ELP2: variants seen among roughly 807,000 people sequenced by gnomAD.
The protein encoded by ELP2 is elongator complex protein 2.
ELP2 carries 90 observed loss-of-function variants against 119.2 expected under a neutral mutation model. The observed-to-expected ratio is 0.75, with a 90% CI of 0.64 to 0.90. ELP2 has a LOEUF of 0.90. Among genes scored for constraint, ELP2 ranks in the 40% least tolerant of loss-of-function variants. The pLI, the probability that ELP2 is intolerant of heterozygous loss-of-function variation, is 0.00. For synonymous variants in ELP2, 339 were observed against 331.0 expected, an observed-to-expected ratio of 1.02 and a Z score of -0.26; for missense variants, 921 against 967.8, an observed-to-expected ratio of 0.95 and a Z score of 0.64.
rs1441805906 is a variant in ELP2, at chr18:36,141,431, G to T, written c.588+230G>T. 10 of 536,048 alleles carry T rather than the reference G, an allele frequency of 1.9e-5. No homozygotes were observed. In the South Asian group the frequency reaches 2.0e-4, roughly 11 times the overall value. 33.2% of individuals were successfully genotyped at this position (536,048 alleles called of 1,614,324 possible). On this transcript the variant is annotated intron_variant, in intron 6 of 21. Transcript: ENST00000358232. ...TTGTTAGGGGGAAACAGGTCATTAG[G>T]TGGGGGAGGAGAGATGGAAGATGCT...
In ELP2 at chr18:36,159,747, C is replaced by T; in HGVS notation, c.1547C>T (p.Ser516Phe). 1 of 1,613,612 alleles carries T rather than the reference C, an allele frequency of 6.2e-7. No homozygotes were observed. The highest frequency in any genetic ancestry group is 8.5e-7 in the Non-Finnish European group (1 of 1,179,636). ...TTCTTCAAACTAGGAGATATAGCTT[C>T]TCAGCCTTCTGATGAAGAGGAGCTG... is the stretch of plus-strand genomic sequence containing the variant. ...NKAVFQGDIA[S>F]QPSDEEELLT... Residue 516 changes from serine to phenylalanine, a missense_variant, in exon 15 of 22, where the codon TCT becomes TTT. Ser to Phe is a radical substitution (Grantham distance 155). Coordinates refer to ENST00000358232, the MANE Select transcript of ELP2 (RefSeq NM_018255.4).
intron 12 of ELP2, 71 bp downstream of exon 12, chr18:36,155,070 T>A (rs2090525227): frequency 7.5e-7 from 1 of 1,330,238 alleles, no homozygotes; most frequent in African/African-American, 1.5e-5. Flanking sequence ...TGAAGTGCAA[T>A]GGCACGATCT....
At chr18:36,158,814 A>T (rs779509476) in intron 13 of ELP2, 21 bp from the exon 14 acceptor site, 3 of 1,495,264 alleles carry the variant, frequency 2.0e-6, no homozygotes, top group Non-Finnish European at 2.8e-6. Flanking sequence ...TATAACTTAG[A>T]TATTATATTT....
chr18:36,144,090 A>G (rs12458149), intron 8 of ELP2, among the ~76,000 whole-genome samples: 12,666 of 152,148 alleles, frequency 0.083, 632 homozygotes, highest in East Asian at 0.14. Context: ...TTGTTCACCT[A>G]GGTGTATTCT....
At chr18:36,166,426 G>A (rs1442233204) in intron 18 of ELP2, among the ~76,000 whole-genome samples, 1 of 137,810 alleles carries the variant, frequency 7.3e-6, no homozygotes, top group East Asian at 2.6e-4. Context: ...CGCCTCCTGG[G>A]TTCAAGTGAT....
At position 36,170,413 on chromosome 18, in the gene ELP2, G is replaced by C. The variant is rs545092107; in HGVS notation, c.2210+217G>C. Among the ~76,000 whole-genome samples the C allele has an allele frequency of 1.5e-4, 23 of 151,726 alleles. 1 individual carries two copies. In the South Asian group the frequency reaches 4.8e-3, roughly 32 times the overall value. On this transcript the variant is annotated intron_variant, in intron 20 of 21. Coordinates refer to ENST00000358232, the MANE Select transcript of ELP2 (RefSeq NM_018255.4). ...TGCAACCTCTGCCTTCTGAGTTTAAGCGATTCTCCTGCCTCAGCCTCCCAA... is the reference window on the plus strand; with the variant it reads ...TGCAACCTCTGCCTTCTGAGTTTAACCGATTCTCCTGCCTCAGCCTCCCAA...
At chr18:36,131,014 T>C (rs891852139) in intron 1 of ELP2, among the ~76,000 whole-genome samples, 1 of 147,408 alleles carries the variant, frequency 6.8e-6, no homozygotes, top group Non-Finnish European at 1.5e-5. Flanking sequence ...ACAAAAAGTT[T>C]AAAAAAAAAA....
In ELP2 at chr18:36,177,347, T is replaced by G. The variant is rs1415235362; in HGVS notation, c.*2706T>G. 1 of 152,218 alleles carries G rather than the reference T, an allele frequency of 6.6e-6. No individual in the cohort carries two copies. Among genetic ancestry groups the G allele is most frequent in the Non-Finnish European group, 1.5e-5 (1 of 68,038 alleles). 9.4% of individuals were successfully genotyped at this position (152,218 alleles called of 1,614,324 possible). A position where few individuals can be genotyped will look rare whatever the true frequency, so the allele number is the denominator to read the frequency against. ...CCTCTAAAAGGAAGATACGCTGACATGTGCTGCAACATGGATGAATCTTGA... is the reference window on the plus strand; with the variant it reads ...CCTCTAAAAGGAAGATACGCTGACAGGTGCTGCAACATGGATGAATCTTGA... On this transcript the variant is annotated 3_prime_UTR_variant, in exon 22 of 22. Coordinates refer to ENST00000358232, the MANE Select transcript of ELP2 (RefSeq NM_018255.4).
In ELP2 at chr18:36,178,473, A is replaced by G. The variant is rs610492; in HGVS notation, c.*3832A>G. On this transcript the variant is annotated 3_prime_UTR_variant, in exon 22 of 22. Coordinates refer to ENST00000358232, the MANE Select transcript of ELP2 (RefSeq NM_018255.4). ...GAGACGTGTGAATCCAGTGCAATGT[A>G]TGAACCTTGTTTGCCTCTTGATCTG... 55,413 of 151,998 alleles carry G rather than the reference A, an allele frequency of 0.36. 10,168 individuals carry two copies. Among genetic ancestry groups the G allele is most frequent in the Middle Eastern group, 0.44 (129 of 294 alleles). 9.4% of individuals were successfully genotyped at this position (151,998 alleles called of 1,614,324 possible).
intron 19 of ELP2, among the ~76,000 whole-genome samples, chr18:36,167,454 T>C (rs1189912844): frequency 6.6e-6 from 1 of 152,180 alleles, no homozygotes; most frequent in African/African-American, 2.4e-5. Context: ...TTCAGACATA[T>C]GACCTTCATC....
intron 19 of ELP2, among the ~76,000 whole-genome samples, chr18:36,167,546 A>C (rs1049645968): frequency 7.2e-5 from 11 of 152,184 alleles, no homozygotes; most frequent in Non-Finnish European, 1.5e-4. Flanking sequence ...GTAGGGGAAT[A>C]AGGGAAAAAC....
intron 6 of ELP2, among the ~76,000 whole-genome samples, chr18:36,142,005 A>C: frequency 6.6e-6 from 1 of 151,948 alleles, no homozygotes; most frequent in East Asian, 1.9e-4. Context: ...CTTTTTTTCT[A>C]TATTATATGT....
rs113572122 is a variant in ELP2, at chr18:36,136,477, G to A, written c.288+100G>A. On this transcript the variant is annotated intron_variant, in intron 3 of 21. Transcript: ENST00000358232. Reference sequence around the variant, plus strand: ...GTCACCCAGGCTGACGTGCAGTGGTGCGATCGTGGCTCACCTCAGCCTCCT... The same window carrying A: ...GTCACCCAGGCTGACGTGCAGTGGTACGATCGTGGCTCACCTCAGCCTCCT... 728 of 952,630 alleles carry A rather than the reference G, an allele frequency of 7.6e-4. 1 individual carries two copies. The African/African-American group carries it at 0.01, about 13-fold the overall frequency. The allele number at this position is 952,630 out of a possible 1,614,324, so 59.0% of individuals were successfully genotyped here.
intron 11 of ELP2, among the ~76,000 whole-genome samples, chr18:36,154,502 A>G (rs1246627095): frequency 1.3e-5 from 2 of 152,250 alleles, no homozygotes; most frequent in East Asian, 1.9e-4. Flanking sequence ...TTACAAAAGT[A>G]ACTCATTTAA....
At chr18:36,138,501 A>G (rs2089912301) in intron 4 of ELP2, 75 bp downstream of exon 4, 4 of 1,472,138 alleles carry the variant, frequency 2.7e-6, no homozygotes, top group Non-Finnish European at 3.8e-6. Context: ...AAGAGCATAT[A>G]TATAATTCTT....
intron 5 of ELP2, chr18:36,139,420 TACCTGGAAG>T (rs1382539443): frequency 2.6e-6 from 4 of 1,535,212 alleles, no homozygotes; most frequent in Non-Finnish European, 3.5e-6. Context: ...CCTCCACAGT[TACCTGGAAG>T]ACTGGCCAGG....
intron 11 of ELP2, among the ~76,000 whole-genome samples, chr18:36,151,028 C>G (rs2090380355): frequency 6.6e-6 from 1 of 151,850 alleles, no homozygotes; most frequent in Admixed American, 6.6e-5. Flanking sequence ...GTTTCCCCCC[C>G]TATTGCCCCA....
Position 36,177,337 on chromosome 18 carries a change from T to TA in ELP2, c.*2697dup, listed in dbSNP as rs1276847573. 1 of 152,178 alleles carries TA rather than the reference T, an allele frequency of 6.6e-6. No homozygotes were observed. Among genetic ancestry groups the TA allele is most frequent in the Non-Finnish European group, 1.5e-5 (1 of 68,036 alleles). 9.4% of individuals were successfully genotyped at this position (152,178 alleles called of 1,614,324 possible). A position where few individuals can be genotyped will look rare whatever the true frequency, so the allele number is the denominator to read the frequency against. On this transcript the variant is annotated 3_prime_UTR_variant, in exon 22 of 22. Coordinates refer to ENST00000358232, the MANE Select transcript of ELP2 (RefSeq NM_018255.4). ...TATTATTCAGCCTCTAAAAGGAAGATACGCTGACATGTGCTGCAACATGGA... is the reference window on the plus strand; with the variant it reads ...TATTATTCAGCCTCTAAAAGGAAGATAACGCTGACATGTGCTGCAACATGGA...
At chr18:36,138,988 A>T (rs1326811674) in intron 5 of ELP2, 116 bp downstream of exon 5, 2 of 816,946 alleles carry the variant, frequency 2.4e-6, no homozygotes, top group Non-Finnish European at 2.1e-6. Context: ...TTTCTATGAA[A>T]CAAGATGTGA....
Sources: allele counts gnomAD v4.1 joint callset (sites outside exome capture counted in the v4.1 genomes callset), GRCh38; gene constraint gnomAD v4.1.1; transcripts MANE v1.5; gene names NCBI Gene and HGNC (gene_info 2026-07-23, HGNC 2026-07-21).